The following NR5A1 variants were observed in gnomAD, a reference collection of about 807,000 sequenced individuals.
NR5A1 encodes the protein steroidogenic factor 1.
NR5A1 carries 6 observed loss-of-function variants against 42.7 expected under a neutral mutation model. The observed-to-expected ratio is 0.14, with a 90% CI of 0.08 to 0.28. NR5A1 has a LOEUF of 0.28. NR5A1 is among the 10% of genes least tolerant of loss of function. The probability of loss-of-function intolerance (pLI) is 1.00; values close to 1 mark genes in which losing one functional copy is unlikely to be tolerated. For synonymous variants in NR5A1, 274 were observed against 277.5 expected, an observed-to-expected ratio of 0.99 and a Z score of 0.12; for missense variants, 442 against 626.4, an observed-to-expected ratio of 0.71 and a Z score of 3.14.
In NR5A1 at chr9:124,503,149, G is replaced by C; in HGVS notation, c.174C>G (p.Asp58Glu). The change falls in exon 3 of 7, where the codon GAC (aspartate) becomes GAG (glutamate). Residue 58 changes from aspartate to glutamate, a missense_variant. Physicochemically the swap from Asp to Glu is conservative, Grantham distance 45 (BLOSUM62 2). Transcript: ENST00000373588. This position sits in a 1 kb window ranked among gnomAD's most constrained non-coding sequence, Gnocchi z 9.6. The stretch of plus-strand genomic sequence containing the variant: ...AGGGACAGCGCTTGCGCTGCGTCTT[G>C]TCGATCTTGCAGCTCTGGCTCTCGG... ...TCTESQSCKI[D>E]KTQRKRCPFC... The C allele has an allele frequency of 6.3e-7, 1 of 1,599,352 alleles. No individual in the cohort carries two copies. The highest frequency in any genetic ancestry group is 8.5e-7 in the Non-Finnish European group (1 of 1,174,102).
chr9:124,493,309 CAGAGGTCTGGCCAGTT>C (rs1427112173), intron 4 of NR5A1, among the ~76,000 whole-genome samples, 160 bp from the exon 5 acceptor site: 4 of 152,200 alleles, frequency 2.6e-5, no homozygotes, highest in Non-Finnish European at 5.9e-5. Context: ...CAAAGTGCAA[CAGAGGTCTGGCCAGTT>C]AACAAAGGGA....
rs552050549 is a variant in NR5A1 at position 124,500,588 on chromosome 9, G to A, written c.372C>T (p.Pro124=). 1 of 1,612,142 alleles carries A rather than the reference G, an allele frequency of 6.2e-7. No individual in the cohort carries two copies. Among genetic ancestry groups the A allele is most frequent in the Non-Finnish European group, 8.5e-7 (1 of 1,179,944 alleles). Residue 124 remains proline (P), a synonymous_variant, in exon 4 of 7, where the codon CCC becomes CCT. Transcript: ENST00000373588. This position sits in a 1 kb window ranked among gnomAD's most constrained non-coding sequence, Gnocchi z 6.9. ...GGGGCGGCGGGGGCACCCCCATCGG[G>A]GGCCCTGTCTCCAGCTTGAAGCCAT... ...RANGFKLETG[P]PMGVPPPPPP...
Position 124,500,768 on chromosome 9 carries a change from C to T in NR5A1, c.245-53G>A. 1 of 1,611,186 alleles carries T rather than the reference C, an allele frequency of 6.2e-7. No individual in the cohort carries two copies. The highest frequency in any genetic ancestry group is 8.5e-7 in the Non-Finnish European group (1 of 1,179,580). On this transcript the variant is annotated intron_variant, in intron 3 of 6. Coordinates refer to ENST00000373588, the MANE Select transcript of NR5A1 (RefSeq NM_004959.5). The surrounding 1 kb of genome is among the most constrained non-coding windows in gnomAD (Gnocchi z 6.9). Reference sequence around the variant, plus strand: ...CACCCTCTCTAAGCCCCCTTCCATGCTGCCCCACCACAGATCCTTTCCAAA... The same window carrying T: ...CACCCTCTCTAAGCCCCCTTCCATGTTGCCCCACCACAGATCCTTTCCAAA...
chr9:124,495,004 C>A (rs759058611), intron 4 of NR5A1, among the ~76,000 whole-genome samples: 19 of 152,340 alleles, frequency 1.2e-4, no homozygotes, highest in African/African-American at 2.2e-4. Flanking sequence ...TGTCCTCAGG[C>A]AGACAGAAGG....
At chr9:124,492,619 G>A (rs530162642) in intron 5 of NR5A1, among the ~76,000 whole-genome samples, 4 of 152,098 alleles carry the variant, frequency 2.6e-5, no homozygotes, top group Admixed American at 2.6e-4. Flanking sequence ...CCCCCACACC[G>A]GCACCAGCAG....
At chr9:124,504,845 C>A (rs1438551337) in intron 1 of NR5A1, among the ~76,000 whole-genome samples, 1 of 146,090 alleles carries the variant, frequency 6.8e-6, no homozygotes, top group South Asian at 2.1e-4. Flanking sequence ...GCGGGGCTGG[C>A]GGCGCGGGGG....
intron 4 of NR5A1, among the ~76,000 whole-genome samples, chr9:124,494,889 G>A (rs2131281703): frequency 6.6e-6 from 1 of 152,318 alleles, no homozygotes; most frequent in Admixed American, 6.5e-5. Context: ...GCGGCCCCCA[G>A]TCAGAGGGGA....
At chr9:124,487,686 C>A (rs1832240005) in intron 6 of NR5A1, among the ~76,000 whole-genome samples, 1 of 152,154 alleles carries the variant, frequency 6.6e-6, no homozygotes, top group African/African-American at 2.4e-5. Flanking sequence ...CGGCCCAGGG[C>A]GGAGCCGCCC....
chr9:124,492,548 G>T (rs1832331230), intron 5 of NR5A1, among the ~76,000 whole-genome samples: 1 of 152,042 alleles, frequency 6.6e-6, no homozygotes, highest in Non-Finnish European at 1.5e-5. Flanking sequence ...GGCCTGCAAG[G>T]TTTGCCTGCT....
At chr9:124,484,146 G>A (rs894382604) in intron 6 of NR5A1, among the ~76,000 whole-genome samples, 3 of 152,154 alleles carry the variant, frequency 2.0e-5, no homozygotes, top group East Asian at 1.9e-4. Flanking sequence ...TGCTGAAAAC[G>A]CAAAACAGAA....
chr9:124,482,743 G>T lies in NR5A1; in HGVS notation c.*15C>A. ...CAGTCCCGCCCCCAGTCCCGGCCCC[G>T]CCCCCGGCCCAGGCTCAAGTCTGCT... On this transcript the variant is annotated 3_prime_UTR_variant, in exon 7 of 7. Coordinates refer to ENST00000373588, the MANE Select transcript of NR5A1 (RefSeq NM_004959.5). 1 of 675,062 alleles carries T rather than the reference G, an allele frequency of 1.5e-6. No individual in the cohort carries two copies. The highest frequency in any genetic ancestry group is 1.9e-6 in the Non-Finnish European group (1 of 533,176). The allele number at this position is 675,062 out of a possible 1,614,324, so 41.8% of individuals were successfully genotyped here. A position where few individuals can be genotyped will look rare whatever the true frequency, so the allele number is the denominator to read the frequency against.
rs1832502515 is a variant in NR5A1 at position 124,503,624 on chromosome 9, C to T, written c.-15-214G>A. 6.6e-6 allele frequency among the ~76,000 whole-genome samples: 1 copy of T among 152,142 alleles called. No homozygotes were observed. The highest frequency in any genetic ancestry group is 2.1e-4 in the South Asian group (1 of 4,836). On this transcript the variant is annotated intron_variant, in intron 1 of 6. Coordinates refer to ENST00000373588, the MANE Select transcript of NR5A1 (RefSeq NM_004959.5). The surrounding 1 kb of genome is among the most constrained non-coding windows in gnomAD (Gnocchi z 9.6). ...GCCTTCCCCTGCCAGGCCCCACGCT[C>T]CCGCCCCGTCCGGGGGGCTCCTCCC...
At position 124,500,427 on chromosome 9, in the gene NR5A1, C is replaced by A. The variant is rs1424006931; in HGVS notation, c.533G>T (p.Gly178Val). 16 of 1,571,512 alleles carry A rather than the reference C, an allele frequency of 1.0e-5. No individual in the cohort carries two copies. The highest frequency in any genetic ancestry group is 1.4e-5 in the Non-Finnish European group (16 of 1,159,714). ...ALPMAVPGAH[G>V]PLAGYLYPAF... ...AGGGTAGAGGTAGCCAGCCAGTGGC[C>A]CGTGGGCACCGGGCACGGCCATGGG... The change falls in exon 4 of 7, where the codon GGG (glycine) becomes GTG (valine). Residue 178 changes from glycine to valine, a missense_variant. Gly to Val is a moderately radical substitution (Grantham distance 109). Transcript: ENST00000373588. This position sits in a 1 kb window ranked among gnomAD's most constrained non-coding sequence, Gnocchi z 6.9.
intron 4 of NR5A1, 101 bp from the exon 5 acceptor site, chr9:124,493,250 C>T: frequency 1.4e-6 from 2 of 1,463,354 alleles, no homozygotes; most frequent in Non-Finnish European, 1.8e-6. Flanking sequence ...GGCGTGCAGC[C>T]TGGGCAAGCT....
Position 124,503,505 on chromosome 9 carries a change from G to T in NR5A1, c.-15-95C>A, listed in dbSNP as rs1832500632. 3.0e-6 allele frequency: 3 copies of T among 1,015,868 alleles called. No individual in the cohort carries two copies. Among genetic ancestry groups the T allele is most frequent in the Admixed American group, 5.5e-5 (2 of 36,498 alleles). The allele number at this position is 1,015,868 out of a possible 1,614,324, so 62.9% of individuals were successfully genotyped here. The stretch of plus-strand genomic sequence containing the variant: ...CCAGCCGCTGTCGCCGGCCCGTCGC[G>T]TAATCCCCTCTCTGTGCCCAGGCGC... On this transcript the variant is annotated intron_variant, in intron 1 of 6. Transcript: ENST00000373588. The surrounding 1 kb of genome is among the most constrained non-coding windows in gnomAD (Gnocchi z 9.6).
chr9:124,489,544 G>A (rs950611479), intron 6 of NR5A1, among the ~76,000 whole-genome samples: 2 of 152,124 alleles, frequency 1.3e-5, no homozygotes, highest in East Asian at 3.8e-4. Context: ...CAGGCTCCAC[G>A]CCCCAACCAC....
chr9:124,503,501 T>C lies in NR5A1; in HGVS notation c.-15-91A>G. The C allele has an allele frequency of 1.9e-6, 2 of 1,056,680 alleles. No homozygotes were observed. The highest frequency in any genetic ancestry group is 2.7e-5 in the Admixed American group (1 of 37,726). The allele number at this position is 1,056,680 out of a possible 1,614,324, so 65.5% of individuals were successfully genotyped here. ...CGCCCCAGCCGCTGTCGCCGGCCCG[T>C]CGCGTAATCCCCTCTCTGTGCCCAG... On this transcript the variant is annotated intron_variant, in intron 1 of 6. Transcript: ENST00000373588. This position sits in a 1 kb window ranked among gnomAD's most constrained non-coding sequence, Gnocchi z 9.6.
At chr9:124,484,139 T>G (rs1832172182) in intron 6 of NR5A1, among the ~76,000 whole-genome samples, 1 of 152,156 alleles carries the variant, frequency 6.6e-6, no homozygotes, top group African/African-American at 2.4e-5. Flanking sequence ...AACACCATGC[T>G]GAAAACGCAA....
rs773978626 is a variant in NR5A1, at chr9:124,491,166, C to G, written c.1053G>C (p.Ala351=). 3.1e-6 allele frequency: 5 copies of G among 1,609,062 alleles called. No individual in the cohort carries two copies. Among genetic ancestry groups the G allele is most frequent in the Non-Finnish European group, 4.2e-6 (5 of 1,178,598 alleles). ...CAAGCAGCTGCAGCACCAGCTCCTGCGCCCGCAACACCAGGCTGTGCAGCA... is the reference window on the plus strand; with the variant it reads ...CAAGCAGCTGCAGCACCAGCTCCTGGGCCCGCAACACCAGGCTGTGCAGCA... ...GSLLHSLVLR[A]QELVLQLLAL... The change falls in exon 6 of 7, where the codon GCG becomes GCC. Residue 351 remains alanine (A), a synonymous_variant. Transcript: ENST00000373588.
Sources: gnomAD v4.1 joint callset for allele counts (sites outside exome capture counted in the v4.1 genomes callset) on GRCh38, gnomAD v4.1.1 for gene constraint, Gnocchi (gnomAD v3.1) non-coding constraint, MANE v1.5 for transcripts, NCBI Gene and HGNC (gene_info 2026-07-23, HGNC 2026-07-21) for gene names.